SBF2: variants seen among roughly 807,000 people sequenced by gnomAD.
SBF2 encodes the protein myotubularin-related protein 13.
In SBF2, 112 loss-of-function variants were observed where a neutral mutation model predicts 225.2. That is an observed-to-expected ratio of 0.50 (90% CI 0.43 to 0.58). SBF2 has a LOEUF of 0.58. SBF2 is among the 20% of genes least tolerant of loss of function. The pLI, the probability that SBF2 is intolerant of heterozygous loss-of-function variation, is 0.00. For synonymous variants in SBF2, 763 were observed against 773.3 expected (o/e 0.99, Z 0.22); for missense variants, 1,996 against 2,206.2 (o/e 0.90, Z 1.91).
chr11:9,847,584 C>T (rs1856642489), intron 22 of SBF2, among the ~76,000 whole-genome samples: 1 of 150,292 alleles, frequency 6.7e-6, no homozygotes, highest in Admixed American at 6.6e-5. Flanking sequence ...AAGGATAAAG[C>T]AAAAGAGAAT....
chr11:10,004,401 T>C (rs1273313790), intron 6 of SBF2, among the ~76,000 whole-genome samples: 1 of 151,586 alleles, frequency 6.6e-6, no homozygotes, highest in African/African-American at 2.4e-5. Flanking sequence ...CATGACTAAC[T>C]CTCCCAAGTA....
chr11:10,007,626 C>T (rs1296612462), intron 6 of SBF2, among the ~76,000 whole-genome samples: 1 of 152,132 alleles, frequency 6.6e-6, no homozygotes, highest in Non-Finnish European at 1.5e-5. Context: ...AGGCAGCCCC[C>T]TCTGGCTGGT....
intron 2 of SBF2, among the ~76,000 whole-genome samples, chr11:10,086,937 G>A (rs11042617): frequency 0.45 from 68,827 of 151,996 alleles, 16,072 homozygotes; most frequent in Admixed American, 0.56. Flanking sequence ...GGAGCAATTC[G>A]CACTTGAGGA....
At chr11:10,156,766 A>G (rs73415007) in intron 2 of SBF2, among the ~76,000 whole-genome samples, 1,688 of 152,346 alleles carry the variant, frequency 0.011, 37 homozygotes, top group African/African-American at 0.038. Context: ...GAGAAATCAG[A>G]GATGACACAA....
chr11:10,191,219 G>T (rs545290654), intron 2 of SBF2, among the ~76,000 whole-genome samples: 2 of 152,146 alleles, frequency 1.3e-5, no homozygotes, highest in South Asian at 4.2e-4. Flanking sequence ...ACCACTTAAG[G>T]ATTAAGCCAG....
At chr11:9,790,720 T>G (rs771223148) in intron 33 of SBF2, 37 bp from the exon 34 acceptor site, 1 of 1,510,138 alleles carries the variant, frequency 6.6e-7, no homozygotes, top group Non-Finnish European at 9.1e-7. Flanking sequence ...CAAAATTAAA[T>G]AAATTCACAC....
intron 3 of SBF2, among the ~76,000 whole-genome samples, chr11:10,041,564 A>G (rs1297758188): frequency 6.6e-6 from 1 of 152,184 alleles, no homozygotes; most frequent in Non-Finnish European, 1.5e-5. Flanking sequence ...CATTTTCAGC[A>G]CTTTTCACAT....
intron 2 of SBF2, among the ~76,000 whole-genome samples, chr11:10,135,719 C>T (rs1954314827): frequency 6.6e-6 from 1 of 152,168 alleles, no homozygotes; most frequent in South Asian, 2.1e-4. Context: ...TTTGAGACCA[C>T]ATCAGCCTGA....
At chr11:10,171,072 C>T (rs1956164708) in intron 2 of SBF2, among the ~76,000 whole-genome samples, 1 of 152,026 alleles carries the variant, frequency 6.6e-6, no homozygotes, top group South Asian at 2.1e-4. Flanking sequence ...ATATAAGATC[C>T]ATCATCTGCA....
intron 16 of SBF2, among the ~76,000 whole-genome samples, chr11:9,919,709 G>A (rs1445731274): frequency 2.6e-5 from 4 of 152,052 alleles, no homozygotes; most frequent in African/African-American, 9.7e-5. Context: ...GTCTGCTTGT[G>A]GATTTCATTT....
At chr11:9,935,556 A>G (rs1002589731) in intron 16 of SBF2, among the ~76,000 whole-genome samples, 2 of 152,216 alleles carry the variant, frequency 1.3e-5, no homozygotes, top group African/African-American at 2.4e-5. Flanking sequence ...ACTTCAAACT[A>G]TACTACAAGG....
At chr11:10,134,553 C>A (rs565605253) in intron 2 of SBF2, among the ~76,000 whole-genome samples, 3 of 152,276 alleles carry the variant, frequency 2.0e-5, no homozygotes, top group South Asian at 4.1e-4. Context: ...TTCCTAGATA[C>A]AATGGGGGTA....
chr11:9,894,684 A>T (rs186006800), intron 17 of SBF2, among the ~76,000 whole-genome samples: 88 of 151,760 alleles, frequency 5.8e-4, no homozygotes, highest in Non-Finnish European at 5.9e-4. Flanking sequence ...ACACTGCCTC[A>T]AAAAAATAAA....
intron 1 of SBF2, among the ~76,000 whole-genome samples, chr11:10,252,324 TG>T (rs1167308032): frequency 6.6e-6 from 1 of 152,242 alleles, no homozygotes; most frequent in Non-Finnish European, 1.5e-5. Flanking sequence ...AAATATGGCC[TG>T]AGAAGGACTC....
intron 34 of SBF2, 138 bp downstream of exon 34, chr11:9,790,418 C>T: frequency 1.4e-6 from 1 of 697,256 alleles, no homozygotes; most frequent in Non-Finnish European, 2.3e-6. Flanking sequence ...TATAGTGTCT[C>T]AAACTTTGAA....
intron 13 of SBF2, among the ~76,000 whole-genome samples, chr11:9,984,735 G>C (rs1047266669): frequency 1.2e-4 from 19 of 152,200 alleles, no homozygotes; most frequent in African/African-American, 4.3e-4. Context: ...AGATTTCTCA[G>C]CAGAAACTCT....
intron 16 of SBF2, among the ~76,000 whole-genome samples, chr11:9,921,923 A>C (rs1033073550): frequency 1.3e-5 from 2 of 152,200 alleles, no homozygotes; most frequent in African/African-American, 4.8e-5. Flanking sequence ...GGGATTATAG[A>C]AGAGGGAGTG....
chr11:9,871,810 TA>T (rs1203811902), intron 17 of SBF2, among the ~76,000 whole-genome samples: 2 of 151,872 alleles, frequency 1.3e-5, no homozygotes, highest in African/African-American at 4.8e-5. Context: ...ATTATTAAAG[TA>T]AAAAAACAAC....
At chr11:9,906,684 T>C (rs1297573140) in intron 16 of SBF2, among the ~76,000 whole-genome samples, 1 of 152,254 alleles carries the variant, frequency 6.6e-6, no homozygotes, top group Non-Finnish European at 1.5e-5. Flanking sequence ...TGGTTATCTG[T>C]TGGGGAATCA....
Sources: allele counts gnomAD v4.1 joint callset (sites outside exome capture counted in the v4.1 genomes callset), GRCh38; gene constraint gnomAD v4.1.1; transcripts MANE v1.5; gene names NCBI Gene and HGNC (gene_info 2026-07-23, HGNC 2026-07-21).